EFCAB5: variants seen among roughly 807,000 people sequenced by gnomAD.
The protein encoded by EFCAB5 is EF-hand calcium-binding domain-containing protein 5.
Under a neutral mutation model 167.9 loss-of-function variants are expected in EFCAB5, and 131 were observed. The ratio of observed to expected loss-of-function variants is 0.78; its 90% CI spans 0.68 to 0.90. The LOEUF is 0.90. Among genes scored for constraint, EFCAB5 ranks in the 40% least tolerant of loss-of-function variants. The pLI, the probability that EFCAB5 is intolerant of heterozygous loss-of-function variation, is 0.00. For synonymous variants in EFCAB5, 574 were observed against 602.8 expected, an observed-to-expected ratio of 0.95 and a Z score of 0.70; for missense variants, 1,663 against 1,745.2, an observed-to-expected ratio of 0.95 and a Z score of 0.84.
At chr17:30,102,611 C>T (rs1027993812) in intron 22 of EFCAB5, among the ~76,000 whole-genome samples, 14 of 152,016 alleles carry the variant, frequency 9.2e-5, no homozygotes, top group African/African-American at 2.9e-4. Flanking sequence ...TCAGACGTAG[C>T]AAAATTGAAT....
chr17:29,992,697 A>T (rs1352431013), intron 4 of EFCAB5, among the ~76,000 whole-genome samples: 1 of 152,162 alleles, frequency 6.6e-6, no homozygotes. Context: ...CTGTTGGAGG[A>T]CACTTAGGTT....
intron 4 of EFCAB5, among the ~76,000 whole-genome samples, chr17:29,973,346 G>A (rs866738551): frequency 6.6e-6 from 1 of 152,040 alleles, no homozygotes; most frequent in African/African-American, 2.4e-5. Context: ...CTCTCCTCCC[G>A]CAAAAGGGAG....
At chr17:30,024,309 A>C (rs2069258489) in intron 7 of EFCAB5, among the ~76,000 whole-genome samples, 1 of 152,180 alleles carries the variant, frequency 6.6e-6, no homozygotes, top group Non-Finnish European at 1.5e-5. Flanking sequence ...AAATCTCCTT[A>C]AGCTGATAAG....
intron 18 of EFCAB5, among the ~76,000 whole-genome samples, chr17:30,083,446 G>A (rs1419202655): frequency 6.6e-6 from 1 of 152,192 alleles, no homozygotes; most frequent in Non-Finnish European, 1.5e-5. Flanking sequence ...CCTGTAAAAA[G>A]TTCCAGTTTG....
At chr17:30,085,050 G>A (rs985956726) in intron 18 of EFCAB5, among the ~76,000 whole-genome samples, 1 of 151,754 alleles carries the variant, frequency 6.6e-6, no homozygotes, top group Admixed American at 6.6e-5. Flanking sequence ...TTACCAGGTT[G>A]GAATTCTAAA....
At chr17:30,087,228 C>A in intron 19 of EFCAB5, 62 bp downstream of exon 19, 1 of 1,346,452 alleles carries the variant, frequency 7.4e-7, no homozygotes, top group Non-Finnish European at 1.1e-6. Context: ...AATAGTAGAC[C>A]TGAAAGACAC....
At chr17:29,997,036 A>G (rs544461913) in intron 6 of EFCAB5, among the ~76,000 whole-genome samples, 2 of 152,276 alleles carry the variant, frequency 1.3e-5, no homozygotes, top group East Asian at 1.9e-4. Flanking sequence ...ATTTGAGGTC[A>G]GGAGTTTGAG....
intron 7 of EFCAB5, among the ~76,000 whole-genome samples, chr17:30,019,185 T>G (rs749489613): frequency 5.3e-5 from 8 of 152,166 alleles, no homozygotes; most frequent in Non-Finnish European, 1.0e-4. Flanking sequence ...TTCTGTTTTA[T>G]TCCATCCATT....
chr17:29,979,342 CA>C (rs760324799), intron 4 of EFCAB5, among the ~76,000 whole-genome samples: 19 of 144,426 alleles, frequency 1.3e-4, no homozygotes, highest in Admixed American at 6.2e-4. Flanking sequence ...GATTCCATTT[CA>C]AAAAAAAAAG....
intron 7 of EFCAB5, among the ~76,000 whole-genome samples, chr17:30,029,538 G>A (rs1478252710): frequency 1.3e-5 from 2 of 151,580 alleles, no homozygotes; most frequent in African/African-American, 4.8e-5. Flanking sequence ...GTCAGGGGCT[G>A]TCTGTATATA....
intron 1 of EFCAB5, among the ~76,000 whole-genome samples, chr17:29,935,536 G>C (rs2067237832): frequency 6.6e-6 from 1 of 152,074 alleles, no homozygotes; most frequent in Non-Finnish European, 1.5e-5. Flanking sequence ...TCCAGCCTGG[G>C]TGACAGAGCA....
At chr17:30,080,490 C>T (rs966385039) in intron 16 of EFCAB5, among the ~76,000 whole-genome samples, 9 of 152,112 alleles carry the variant, frequency 5.9e-5, no homozygotes, top group African/African-American at 1.4e-4. Flanking sequence ...TCTGCCTGCT[C>T]CATAAGTTAT....
At chr17:30,026,961 C>CTTTTTTTTT (rs71138868) in intron 7 of EFCAB5, among the ~76,000 whole-genome samples, 7 of 64,550 alleles carry the variant, frequency 1.1e-4, no homozygotes, top group African/African-American at 1.2e-4. Context: ...CTCCTTGTAC[C>CTTTTTTTTT]TTTTTTTTTT....
chr17:30,029,524 A>G (rs551094740), intron 7 of EFCAB5, among the ~76,000 whole-genome samples: 3 of 152,110 alleles, frequency 2.0e-5, no homozygotes, highest in Non-Finnish European at 4.4e-5. Flanking sequence ...TTGAACCATC[A>G]TAAGTCAGGG....
intron 7 of EFCAB5, among the ~76,000 whole-genome samples, chr17:30,018,691 T>C (rs2069105493): frequency 6.6e-6 from 1 of 152,216 alleles, no homozygotes; most frequent in South Asian, 2.1e-4. Context: ...ATTTTGATGC[T>C]CAATTTGGCT....
At chr17:30,073,025 G>T in intron 14 of EFCAB5, 1 of 564,198 alleles carries the variant, frequency 1.8e-6, no homozygotes. Context: ...TCTGCACTCT[G>T]GCTCCTGTGT....
intron 7 of EFCAB5, among the ~76,000 whole-genome samples, chr17:30,028,872 C>G (rs1254783042): frequency 1.3e-5 from 2 of 152,128 alleles, no homozygotes. Context: ...CAAATTTCCT[C>G]TTCTTTAAGA....
At chr17:29,991,202 C>A (rs1458485694) in intron 4 of EFCAB5, among the ~76,000 whole-genome samples, 1 of 152,188 alleles carries the variant, frequency 6.6e-6, no homozygotes, top group Non-Finnish European at 1.5e-5. Context: ...CATTCTCCGA[C>A]TGTCACTCCA....
chr17:30,061,470 T>C (rs780128864), intron 14 of EFCAB5, among the ~76,000 whole-genome samples: 14 of 152,254 alleles, frequency 9.2e-5, no homozygotes, highest in Admixed American at 2.0e-4. Flanking sequence ...TTAAATAGCT[T>C]AAAATCATAG....
Sources: allele counts gnomAD v4.1 joint callset (sites outside exome capture counted in the v4.1 genomes callset), GRCh38; gene constraint gnomAD v4.1.1; transcripts MANE v1.5; gene names NCBI Gene and HGNC (gene_info 2026-07-23, HGNC 2026-07-21).